FSTL5: variants seen among roughly 807,000 people sequenced by gnomAD.
FSTL5 encodes follistatin-related protein 5.
In FSTL5, 62 loss-of-function variants were observed where a neutral mutation model predicts 89.1. The observed-to-expected ratio is 0.70, with a 90% CI of 0.57 to 0.86. FSTL5 has a LOEUF of 0.86. Ranked by LOEUF, FSTL5 falls within the 40% of genes least tolerant of loss-of-function variation. FSTL5 has a pLI of 0.00. For synonymous variants in FSTL5, 383 were observed against 346.2 expected, an observed-to-expected ratio of 1.11 and a Z score of -1.18; for missense variants, 1,057 against 1,001.6, an observed-to-expected ratio of 1.06 and a Z score of -0.75.
chr4:161,660,118 G>A (rs113844315), intron 6 of FSTL5, among the ~76,000 whole-genome samples: 224 of 152,194 alleles, frequency 1.5e-3, no homozygotes, highest in African/African-American at 5.1e-3. Context: ...AGTATTTAAC[G>A]CAAAATTTTA....
At chr4:162,006,422 T>C (rs913696896) in intron 3 of FSTL5, among the ~76,000 whole-genome samples, 2 of 151,958 alleles carry the variant, frequency 1.3e-5, no homozygotes, top group East Asian at 1.9e-4. Context: ...CTTGTGATAC[T>C]AGGGAAATGA....
intron 3 of FSTL5, among the ~76,000 whole-genome samples, chr4:162,018,653 TA>T (rs5863508): frequency 0.9 from 135,877 of 151,220 alleles, 61,144 homozygotes; most frequent in African/African-American, 0.96. Context: ...TTTCTTTAAT[TA>T]AAAAAAAAAA....
intron 4 of FSTL5, among the ~76,000 whole-genome samples, chr4:161,836,430 T>G (rs1731043095): frequency 6.0e-5 from 9 of 148,894 alleles, no homozygotes. Flanking sequence ...ATTGTGCACA[T>G]GTAACCTAAA....
chr4:161,979,745 C>T (rs765142170), intron 3 of FSTL5, among the ~76,000 whole-genome samples: 2 of 152,034 alleles, frequency 1.3e-5, no homozygotes, highest in Non-Finnish European at 2.9e-5. Context: ...TCTATGATAA[C>T]AACATATCTA....
At chr4:161,966,735 T>G (rs966490327) in intron 3 of FSTL5, among the ~76,000 whole-genome samples, 5 of 152,094 alleles carry the variant, frequency 3.3e-5, no homozygotes, top group Admixed American at 6.6e-5. Context: ...GACACGTCCA[T>G]CTTGGACTTC....
chr4:162,035,791 G>T (rs1232495932), intron 2 of FSTL5, among the ~76,000 whole-genome samples: 1 of 152,048 alleles, frequency 6.6e-6, no homozygotes, highest in Non-Finnish European at 1.5e-5. Flanking sequence ...AATTCAGGTG[G>T]GCTGTGACAA....
intron 8 of FSTL5, among the ~76,000 whole-genome samples, chr4:161,565,816 T>C (rs879480762): frequency 6.7e-6 from 1 of 148,558 alleles, no homozygotes; most frequent in Non-Finnish European, 1.5e-5. Flanking sequence ...TCTTCATTGG[T>C]TGATGGACAC....
At chr4:161,425,065 T>A (rs1732125627) in intron 15 of FSTL5, among the ~76,000 whole-genome samples, 1 of 152,222 alleles carries the variant, frequency 6.6e-6, no homozygotes, top group African/African-American at 2.4e-5. Flanking sequence ...GAAGGGCAAA[T>A]AAAAGCCATT....
chr4:161,513,249 T>C (rs958935642), intron 10 of FSTL5, among the ~76,000 whole-genome samples: 1 of 124,364 alleles, frequency 8.0e-6, no homozygotes, highest in East Asian at 2.5e-4. Flanking sequence ...ACTGAAGCAC[T>C]GAACTGAACC....
intron 7 of FSTL5, among the ~76,000 whole-genome samples, chr4:161,618,918 C>T (rs1266443898): frequency 2.0e-5 from 3 of 152,216 alleles, no homozygotes; most frequent in African/African-American, 4.8e-5. Flanking sequence ...CTGGAGGCAT[C>T]ATGATACCTG....
Position 161,566,079 on chromosome 4 carries a change from G to GT in FSTL5, c.1015+21375dup, listed in dbSNP as rs1328438991. ...CACTGCATTTGTGCCAACATCTATT[G>GT]TTTTTTTCTTTTTTTTTGGACTATA... is the stretch of plus-strand genomic sequence containing the variant. On this transcript the variant is annotated intron_variant, in intron 8 of 15. Transcript: ENST00000306100. Among the ~76,000 whole-genome samples, 276 of 61,600 alleles carry GT rather than the reference G, an allele frequency of 4.5e-3. 2 individuals carry two copies. Among genetic ancestry groups the GT allele is most frequent in the Middle Eastern group, 0.015 (1 of 66 alleles). The allele number at this position is 61,600 out of a possible 152,430, so 40.4% of individuals were successfully genotyped here.
intron 3 of FSTL5, among the ~76,000 whole-genome samples, chr4:162,000,107 C>T (rs955444810): frequency 2.6e-5 from 4 of 152,072 alleles, no homozygotes; most frequent in African/African-American, 9.7e-5. Flanking sequence ...TGGCTTCTGG[C>T]AAAATCAGTC....
chr4:161,644,653 C>A (rs1736085446), intron 7 of FSTL5, among the ~76,000 whole-genome samples: 1 of 151,906 alleles, frequency 6.6e-6, no homozygotes, highest in Non-Finnish European at 1.5e-5. Flanking sequence ...AATAAGTTTT[C>A]TAGAATAAGC....
chr4:161,781,140 A>T (rs1273764536), intron 4 of FSTL5, among the ~76,000 whole-genome samples: 1 of 152,092 alleles, frequency 6.6e-6, no homozygotes, highest in East Asian at 1.9e-4. Flanking sequence ...AATAAAACAC[A>T]AATATTTTAG....
intron 4 of FSTL5, among the ~76,000 whole-genome samples, chr4:161,874,309 T>C (rs1446416556): frequency 6.6e-6 from 1 of 152,072 alleles, no homozygotes; most frequent in Non-Finnish European, 1.5e-5. Flanking sequence ...ATCTACCTAT[T>C]AATAATAATT....
chr4:161,744,203 G>A (rs1045703419), intron 6 of FSTL5, among the ~76,000 whole-genome samples: 1 of 151,962 alleles, frequency 6.6e-6, no homozygotes, highest in Admixed American at 6.6e-5. Context: ...TCACTATGAC[G>A]ACTTTTTTGG....
intron 6 of FSTL5, among the ~76,000 whole-genome samples, chr4:161,754,995 C>A (rs1740522873): frequency 6.6e-6 from 1 of 152,062 alleles, no homozygotes; most frequent in Non-Finnish European, 1.5e-5. Context: ...ACACACTTTA[C>A]TGAATATACT....
At chr4:162,035,239 G>A (rs1216727797) in intron 2 of FSTL5, 1 of 151,964 alleles carries the variant, frequency 6.6e-6, no homozygotes, top group Non-Finnish European at 1.5e-5. Context: ...GACTATACAG[G>A]ATGAACAAAA....
At chr4:161,795,644 G>A (rs1729610326) in intron 4 of FSTL5, among the ~76,000 whole-genome samples, 1 of 151,996 alleles carries the variant, frequency 6.6e-6, no homozygotes, top group African/African-American at 2.4e-5. Flanking sequence ...TATGATTTAA[G>A]ATAAGGACCT....
Sources: gnomAD v4.1 joint callset for allele counts (sites outside exome capture counted in the v4.1 genomes callset) on GRCh38, gnomAD v4.1.1 for gene constraint, MANE v1.5 for transcripts, NCBI Gene and HGNC (gene_info 2026-07-23, HGNC 2026-07-21) for gene names.